LPP: variants seen among roughly 807,000 people sequenced by gnomAD.
LPP encodes LIM domain containing preferred translocation partner in lipoma.
In LPP, 38 loss-of-function variants were observed where a neutral mutation model predicts 60.4. The observed-to-expected ratio is 0.63, with a 90% confidence interval of 0.49 to 0.83. The LOEUF (loss-of-function observed/expected upper bound fraction) is 0.83. Among genes scored for constraint, LPP ranks in the 40% least tolerant of loss-of-function variants. LPP has a pLI of 0.00. For synonymous variants in LPP, 328 were observed against 290.8 expected (o/e 1.13, Z -1.30); for missense variants, 902 against 783.6 (o/e 1.15, Z -1.80).
At chr3:188,506,487 A>G (rs1044712621) in intron 5 of LPP, among the ~76,000 whole-genome samples, 1 of 152,188 alleles carries the variant, frequency 6.6e-6, no homozygotes, top group African/African-American at 2.4e-5. Flanking sequence ...TTTATTTTAT[A>G]AGCCAGAATC....
rs529753906 is a variant in LPP, at chr3:188,692,372, A to C, written c.1114-15895A>C. On this transcript the variant is annotated intron_variant, in intron 7 of 11. Coordinates refer to ENST00000617246, the MANE Select transcript of LPP (RefSeq NM_001375462.1). ...GGGACATAAAGGTTGGAGGTCATTT[A>C]CATTTGCATTTACTTGAAAGGAAAC... Among the ~76,000 whole-genome samples the C allele has an allele frequency of 5.2e-5, 8 of 152,382 alleles. No homozygotes were observed. In the South Asian group the frequency reaches 1.7e-3, roughly 32 times the overall value.
In LPP at chr3:188,607,370, GATATATATATATATATAT is replaced by G. The variant is rs10527365; in HGVS notation, c.430-1761_430-1744del. Reference sequence around the variant, plus strand: ...TATAACTGTATGTTTGAAAATAGAAGATATATATATATATATATATATATATATATATATATATATATA... The same window carrying G: ...TATAACTGTATGTTTGAAAATAGAAGATATATATATATATATATATATATA... On this transcript the variant is annotated intron_variant, in intron 6 of 11. Coordinates refer to ENST00000617246, the MANE Select transcript of LPP (RefSeq NM_001375462.1). Among the ~76,000 whole-genome samples the G allele has an allele frequency of 2.8e-3, 283 of 102,648 alleles. 9 individuals carry two copies. Among genetic ancestry groups the G allele is most frequent in the Non-Finnish European group, 3.4e-3 (160 of 46,540 alleles). The allele number at this position is 102,648 out of a possible 152,430, so 67.3% of individuals were successfully genotyped here. A position where few individuals can be genotyped will look rare whatever the true frequency, so the allele number is the denominator to read the frequency against.
chr3:188,871,608 A>T (rs568830942), intron 10 of LPP, among the ~76,000 whole-genome samples: 1 of 152,328 alleles, frequency 6.6e-6, no homozygotes, highest in African/African-American at 2.4e-5. Flanking sequence ...AAATAGATAA[A>T]TTTTTAACAT....
intron 6 of LPP, among the ~76,000 whole-genome samples, chr3:188,538,147 T>C (rs1314198539): frequency 6.6e-6 from 1 of 152,132 alleles, no homozygotes; most frequent in African/African-American, 2.4e-5. Context: ...TGAAATTGGG[T>C]TAGTCAGTGG....
intron 2 of LPP, among the ~76,000 whole-genome samples, chr3:188,229,350 G>C (rs1393089311): frequency 6.6e-6 from 1 of 152,132 alleles, no homozygotes; most frequent in Non-Finnish European, 1.5e-5. Flanking sequence ...TCCCTCTGTT[G>C]ATACCGGTTT....
At chr3:188,687,897 C>T (rs1861189151) in intron 7 of LPP, among the ~76,000 whole-genome samples, 1 of 151,964 alleles carries the variant, frequency 6.6e-6, no homozygotes, top group South Asian at 2.1e-4. Flanking sequence ...GCCTCAGCCT[C>T]CCGAGTAGCT....
In LPP at chr3:188,352,943, A is replaced by G. The variant is rs1252414889; in HGVS notation, c.-10+11224A>G. Among the ~76,000 whole-genome samples, 3 of 152,220 alleles carry G rather than the reference A, an allele frequency of 2.0e-5. No homozygotes were observed. The highest frequency in any genetic ancestry group is 2.1e-4 in the South Asian group (1 of 4,834). ...TTTCTGGGGGAGAATGTTTCTTATC[A>G]GATTCCGCAGATGGGTTCCTTGAGA... On this transcript the variant is annotated intron_variant, in intron 3 of 11. Transcript: ENST00000617246. This position sits in a 1 kb window ranked among gnomAD's most constrained non-coding sequence, Gnocchi z 4.4.
At chr3:188,821,056 C>T in intron 9 of LPP, among the ~76,000 whole-genome samples, 1 of 151,804 alleles carries the variant, frequency 6.6e-6, no homozygotes, top group South Asian at 2.1e-4. Flanking sequence ...CCAGACAGCA[C>T]AAGTGACCAT....
At chr3:188,487,844 A>C (rs1056318817) in intron 5 of LPP, among the ~76,000 whole-genome samples, 1 of 152,168 alleles carries the variant, frequency 6.6e-6, no homozygotes. Context: ...TTTATGCAGA[A>C]GACTGTTTAT....
At chr3:188,846,378 A>T (rs1466916198) in intron 9 of LPP, among the ~76,000 whole-genome samples, 2 of 152,188 alleles carry the variant, frequency 1.3e-5, no homozygotes, top group East Asian at 3.9e-4. Context: ...TGCCAAGGGC[A>T]AGAAAGTATA....
At chr3:188,172,212 C>T (rs1194847557) in intron 1 of LPP, among the ~76,000 whole-genome samples, 1 of 152,196 alleles carries the variant, frequency 6.6e-6, no homozygotes, top group Non-Finnish European at 1.5e-5. Flanking sequence ...GTTAGATAGG[C>T]CCAATTCCAG....
intron 8 of LPP, among the ~76,000 whole-genome samples, chr3:188,742,097 G>A (rs979672944): frequency 6.6e-6 from 1 of 152,032 alleles, no homozygotes; most frequent in Non-Finnish European, 1.5e-5. Context: ...ATAAAACTCT[G>A]TAAGGTACCT....
intron 3 of LPP, among the ~76,000 whole-genome samples, chr3:188,378,456 C>T (rs576416191): frequency 6.6e-6 from 1 of 152,348 alleles, no homozygotes; most frequent in Non-Finnish European, 1.5e-5. Flanking sequence ...GTTGTTTGAT[C>T]TCGGACCGCT....
chr3:188,513,710 G>C (rs980576206), intron 5 of LPP, among the ~76,000 whole-genome samples: 2 of 151,988 alleles, frequency 1.3e-5, no homozygotes, highest in East Asian at 1.9e-4. Flanking sequence ...AAAAGTGAGG[G>C]GTTTTTGTTG....
In LPP at chr3:188,355,254, G is replaced by A. The variant is rs933112850; in HGVS notation, c.-10+13535G>A. On this transcript the variant is annotated intron_variant, in intron 3 of 11. Transcript: ENST00000617246. Reference sequence around the variant, plus strand: ...GAACTCCTGACCTTGTGTTCTACCCGCCTCGGCCTCCCAAAGTGCTGGGAT... The same window carrying A: ...GAACTCCTGACCTTGTGTTCTACCCACCTCGGCCTCCCAAAGTGCTGGGAT... Among the ~76,000 whole-genome samples the A allele has an allele frequency of 7.9e-5, 12 of 152,160 alleles. No individual in the cohort carries two copies. In the South Asian group the frequency reaches 8.3e-4, roughly 11 times the overall value.
intron 4 of LPP, chr3:188,472,494 A>G (rs1380586340): frequency 1.3e-5 from 2 of 152,236 alleles, no homozygotes; most frequent in Non-Finnish European, 2.9e-5. Context: ...ACTTGATGAA[A>G]TAAATGTCAG....
At chr3:188,327,913 G>C (rs1758891903) in intron 2 of LPP, among the ~76,000 whole-genome samples, 1 of 152,042 alleles carries the variant, frequency 6.6e-6, no homozygotes, top group Non-Finnish European at 1.5e-5. Context: ...AAAAAAGTAA[G>C]AAATGAAACT....
chr3:188,327,531 G>A (rs4377487), intron 2 of LPP, among the ~76,000 whole-genome samples: 10 of 152,026 alleles, frequency 6.6e-5, no homozygotes, highest in African/African-American at 2.2e-4. Context: ...AAGCATATAA[G>A]TGGAGCAGTA....
intron 7 of LPP, among the ~76,000 whole-genome samples, chr3:188,642,250 A>T (rs577545336): frequency 5.8e-4 from 88 of 152,290 alleles, no homozygotes; most frequent in African/African-American, 2.1e-3. Flanking sequence ...CATTTTAGAC[A>T]TTGGACAGTG....
Sources: gnomAD v4.1 joint callset for allele counts (sites outside exome capture counted in the v4.1 genomes callset) on GRCh38, gnomAD v4.1.1 for gene constraint, Gnocchi (gnomAD v3.1) non-coding constraint, MANE v1.5 for transcripts, NCBI Gene and HGNC (gene_info 2026-07-23, HGNC 2026-07-21) for gene names.